Variants in PHLPP2 observed in about 807,000 individuals in gnomAD.
PHLPP2 encodes the protein PH domain and leucine rich repeat protein phosphatase 2, also known as PH domain leucine-rich repeat-containing protein phosphatase 2.
Under a neutral mutation model 124.9 loss-of-function variants are expected in PHLPP2, and 66 were observed. The observed-to-expected ratio is 0.53, with a 90% CI of 0.43 to 0.65. PHLPP2 has a LOEUF of 0.65. Ranked by LOEUF, PHLPP2 falls within the 30% of genes least tolerant of loss-of-function variation. The pLI is 0.00. For synonymous variants in PHLPP2, 681 were observed against 624.7 expected (o/e 1.09, Z -1.34); for missense variants, 1,685 against 1,600.4 (o/e 1.05, Z -0.90).
intron 1 of PHLPP2, among the ~76,000 whole-genome samples, chr16:71,716,828 A>G (rs1191974841): frequency 6.6e-6 from 1 of 152,240 alleles, no homozygotes; most frequent in Non-Finnish European, 1.5e-5. Context: ...ATTAATGACT[A>G]CCAGACATTT....
intron 1 of PHLPP2, chr16:71,723,957 C>G (rs1252377984): frequency 1.2e-5 from 4 of 330,084 alleles, no homozygotes; most frequent in Non-Finnish European, 1.8e-5. Flanking sequence ...GCCCCGCCCC[C>G]CGCGGCCCGC....
Position 71,667,318 on chromosome 16 carries a change from C to T in PHLPP2, c.1644G>A (p.Leu548=), listed in dbSNP as rs1227555932. The change falls in exon 12 of 19, where the codon TTG becomes TTA. Residue 548 remains leucine (L), a synonymous_variant. Transcript: ENST00000568954. ...GTCCCAGCATCAGTTTTCTAAGACT[C>T]AAGCTACTCAGAATTCTAAGGGGGG... ...TEVPVRILSS[L]SLRKLMLGHN... is the part of the protein sequence containing the mutation. The T allele has an allele frequency of 1.2e-6, 2 of 1,612,712 alleles. No individual in the cohort carries two copies.
chr16:71,669,953 C>A (rs374733616), intron 10 of PHLPP2, among the ~76,000 whole-genome samples: 2 of 151,966 alleles, frequency 1.3e-5, no homozygotes, highest in Non-Finnish European at 2.9e-5. Flanking sequence ...GTTTATCAAG[C>A]GATATAATGA....
At position 71,658,231 on chromosome 16, in the gene PHLPP2, A is replaced by G; in HGVS notation, c.2279+2T>C. 1 of 1,612,862 alleles carries G rather than the reference A, an allele frequency of 6.2e-7. No individual in the cohort carries two copies. Among genetic ancestry groups the G allele is most frequent in the Admixed American group, 1.7e-5 (1 of 59,702 alleles). ...GAGATTCCATTTCAAATTTTTTCCT[A>G]CCTAAATATGTCCAGTGTCTTGTGT... is the stretch of plus-strand genomic sequence containing the variant. On this transcript the variant is annotated splice_donor_variant, in intron 15 of 18. Transcript: ENST00000568954. LOFTEE classifies it high-confidence loss of function.
chr16:71,698,494 G>C, intron 3 of PHLPP2: 1 of 749,972 alleles, frequency 1.3e-6, no homozygotes, highest in South Asian at 1.4e-5. Context: ...CTTTCCAAAG[G>C]CACCTCGCAT....
intron 6 of PHLPP2, among the ~76,000 whole-genome samples, chr16:71,680,504 G>A (rs1377538617): frequency 6.6e-6 from 1 of 152,132 alleles, no homozygotes; most frequent in African/African-American, 2.4e-5. Context: ...TGGATCTCCT[G>A]GGTTTCTTCT....
intron 2 of PHLPP2, among the ~76,000 whole-genome samples, chr16:71,711,392 G>C (rs1432051020): frequency 6.6e-6 from 1 of 151,762 alleles, no homozygotes; most frequent in Non-Finnish European, 1.5e-5. Flanking sequence ...ATATAAAACT[G>C]AATATGATGT....
chr16:71,710,191 T>A (rs2045314560), intron 2 of PHLPP2, among the ~76,000 whole-genome samples: 3 of 152,058 alleles, frequency 2.0e-5, no homozygotes, highest in Admixed American at 6.6e-5. Context: ...GCCACCTAAA[T>A]TCTGTAACTC....
intron 1 of PHLPP2, among the ~76,000 whole-genome samples, chr16:71,720,104 G>C (rs2045389121): frequency 6.6e-6 from 1 of 151,212 alleles, no homozygotes; most frequent in Admixed American, 6.6e-5. Context: ...CGAGTAGCTG[G>C]GACTACAGGC....
At chr16:71,723,869 G>A (rs2045415571) in intron 1 of PHLPP2, 2 of 1,173,456 alleles carry the variant, frequency 1.7e-6, no homozygotes, top group Non-Finnish European at 1.1e-6. Flanking sequence ...CTCCCCCATC[G>A]GCGACCCAGG....
At chr16:71,689,298 T>G (rs2045084191) in intron 4 of PHLPP2, among the ~76,000 whole-genome samples, 1 of 150,284 alleles carries the variant, frequency 6.7e-6, no homozygotes, top group Admixed American at 6.6e-5. Flanking sequence ...TCACAGCAAC[T>G]CGAACTCCTG....
intron 2 of PHLPP2, among the ~76,000 whole-genome samples, chr16:71,708,212 A>G (rs2145376214): frequency 6.6e-6 from 1 of 152,350 alleles, no homozygotes; most frequent in East Asian, 1.9e-4. Context: ...CAGGAATGTC[A>G]AGCCTCTGAG....
chr16:71,685,450 C>T (rs8049163), intron 4 of PHLPP2, among the ~76,000 whole-genome samples: 39,287 of 152,090 alleles, frequency 0.26, 5,267 homozygotes, highest in Non-Finnish European at 0.3. Flanking sequence ...CACTTTGTTA[C>T]GTCACAGCTT....
At chr16:71,662,213 C>T (rs936711933) in intron 13 of PHLPP2, among the ~76,000 whole-genome samples, 7 of 151,088 alleles carry the variant, frequency 4.6e-5, no homozygotes, top group South Asian at 2.1e-4. Flanking sequence ...GGGCGGATCA[C>T]GAGGCCAGGA....
chr16:71,655,538 T>C (rs2044735112), intron 16 of PHLPP2, 104 bp from the exon 17 acceptor site: 3 of 787,426 alleles, frequency 3.8e-6, no homozygotes, highest in Non-Finnish European at 6.0e-6. Flanking sequence ...AGTCTTGCAC[T>C]GTCACCCAGG....
Position 71,649,423 on chromosome 16 carries a change from G to A in PHLPP2, c.3439C>T (p.Leu1147=). 3 of 1,614,164 alleles carry A rather than the reference G, an allele frequency of 1.9e-6. No homozygotes were observed. The highest frequency in any genetic ancestry group is 1.7e-6 in the Non-Finnish European group (2 of 1,180,024). Residue 1147 remains leucine (L), a synonymous_variant, in exon 19 of 19, where the codon CTG becomes TTG. Coordinates refer to ENST00000568954, the MANE Select transcript of PHLPP2 (RefSeq NM_015020.3). ...TFSSNQSDNG[L]DSDDDQPVEG... is the part of the protein sequence containing the mutation. Reference sequence around the variant, plus strand: ...ACGGGCTGGTCATCATCACTGTCCAGGCCGTTGTCAGACTGGTTACTGGAG... The same window carrying A: ...ACGGGCTGGTCATCATCACTGTCCAAGCCGTTGTCAGACTGGTTACTGGAG...
chr16:71,684,023 C>G (rs1018983086), intron 5 of PHLPP2, among the ~76,000 whole-genome samples: 1 of 152,026 alleles, frequency 6.6e-6, no homozygotes, highest in Non-Finnish European at 1.5e-5. Context: ...AACTCCCGAC[C>G]TCAGGTGATC....
Position 71,647,598 on chromosome 16 carries a change from A to T in PHLPP2, c.*1292T>A, listed in dbSNP as rs1216888698. On this transcript the variant is annotated 3_prime_UTR_variant, in exon 19 of 19. Transcript: ENST00000568954. ...TCTGCCATAACTTAAGGTCACGTGGATGCAAGCAGTGTCAGCCTTGGGCCC... is the reference window on the plus strand; with the variant it reads ...TCTGCCATAACTTAAGGTCACGTGGTTGCAAGCAGTGTCAGCCTTGGGCCC... The T allele has an allele frequency of 6.6e-6, 1 of 152,204 alleles. No individual in the cohort carries two copies. The highest frequency in any genetic ancestry group is 2.4e-5 in the African/African-American group (1 of 41,412). The allele number at this position is 152,204 out of a possible 1,614,324, so 9.4% of individuals were successfully genotyped here.
At chr16:71,723,816 G>A (rs970932377) in intron 1 of PHLPP2, 3 of 1,286,376 alleles carry the variant, frequency 2.3e-6, no homozygotes, top group South Asian at 2.0e-5. Flanking sequence ...GGCGCTTCGG[G>A]CGGCTCCGGG....
Sources: gnomAD v4.1 joint callset for allele counts (sites outside exome capture counted in the v4.1 genomes callset) on GRCh38, gnomAD v4.1.1 for gene constraint, MANE v1.5 for transcripts, NCBI Gene and HGNC (gene_info 2026-07-23, HGNC 2026-07-21) for gene names.